The following CFAP299 variants were observed in gnomAD, a reference collection of about 807,000 sequenced individuals.
The protein encoded by CFAP299 is cilia and flagella associated protein 299, also known as cilia- and flagella-associated protein 299.
A neutral mutation model predicts 27.0 loss-of-function variants in CFAP299; 21 were observed. The observed-to-expected ratio is 0.78, with a 90% CI of 0.55 to 1.12. CFAP299 has a LOEUF of 1.12. Ranked by LOEUF, CFAP299 falls within the 50% of genes most tolerant of loss-of-function variation. The pLI is 0.00. For synonymous variants in CFAP299, 104 were observed against 98.1 expected, an observed-to-expected ratio of 1.06 and a Z score of -0.36; for missense variants, 310 against 276.6, an observed-to-expected ratio of 1.12 and a Z score of -0.86.
intron 3 of CFAP299, among the ~76,000 whole-genome samples, chr4:80,623,569 G>A (rs1341427521): frequency 6.6e-6 from 1 of 152,148 alleles, no homozygotes. Flanking sequence ...GTATCTGGCT[G>A]TAGCACAATG....
chr4:80,906,349 C>T (rs984006647), intron 4 of CFAP299, among the ~76,000 whole-genome samples: 3 of 152,216 alleles, frequency 2.0e-5, no homozygotes, highest in Non-Finnish European at 4.4e-5. Flanking sequence ...TGGCTGCTTT[C>T]ATGGGTTAGC....
intron 3 of CFAP299, among the ~76,000 whole-genome samples, chr4:80,590,136 A>G (rs1578641462): frequency 6.6e-6 from 1 of 152,206 alleles, no homozygotes; most frequent in South Asian, 2.1e-4. Context: ...ATATCAACAT[A>G]GGATCATCTC....
At chr4:80,411,387 T>C (rs145107590) in intron 2 of CFAP299, among the ~76,000 whole-genome samples, 253 of 152,226 alleles carry the variant, frequency 1.7e-3, no homozygotes, top group African/African-American at 5.7e-3. Context: ...AAGGTTTGCT[T>C]AGAGTTAACT....
intron 2 of CFAP299, among the ~76,000 whole-genome samples, chr4:80,488,216 C>A (rs193013798): frequency 6.6e-6 from 1 of 152,008 alleles, no homozygotes; most frequent in African/African-American, 2.4e-5. Flanking sequence ...ACACTACAGC[C>A]CCCCACTGCC....
At chr4:80,811,254 C>T (rs1729139568) in intron 3 of CFAP299, among the ~76,000 whole-genome samples, 1 of 152,004 alleles carries the variant, frequency 6.6e-6, no homozygotes, top group African/African-American at 2.4e-5. Context: ...ATATTCATTG[C>T]AAAAATTTAT....
At chr4:80,574,040 T>A (rs1163430070) in intron 2 of CFAP299, among the ~76,000 whole-genome samples, 1 of 152,092 alleles carries the variant, frequency 6.6e-6, no homozygotes, top group Non-Finnish European at 1.5e-5. Flanking sequence ...TCCATAGATT[T>A]CTTTGGGTAA....
chr4:80,566,661 G>A (rs1016016851), intron 2 of CFAP299, among the ~76,000 whole-genome samples: 5 of 152,066 alleles, frequency 3.3e-5, no homozygotes, highest in Non-Finnish European at 5.9e-5. Flanking sequence ...GGACCTGGAG[G>A]CAGGTGTACC....
intron 3 of CFAP299, among the ~76,000 whole-genome samples, chr4:80,795,148 A>G (rs922850324): frequency 3.9e-5 from 6 of 152,212 alleles, no homozygotes; most frequent in African/African-American, 1.4e-4. Flanking sequence ...GTGAGCACTC[A>G]CATGGGATAC....
chr4:80,362,187 C>T (rs1337686220), intron 1 of CFAP299, among the ~76,000 whole-genome samples: 1 of 150,564 alleles, frequency 6.6e-6, no homozygotes, highest in African/African-American at 2.4e-5. Context: ...TTTATTGGTA[C>T]CAACATTATA....
intron 2 of CFAP299, among the ~76,000 whole-genome samples, chr4:80,579,247 A>G (rs1466016937): frequency 6.6e-6 from 1 of 152,198 alleles, no homozygotes; most frequent in Admixed American, 6.6e-5. Flanking sequence ...TTCTAGCTAC[A>G]AGAAAAAAAG....
intron 2 of CFAP299, among the ~76,000 whole-genome samples, chr4:80,413,077 C>T (rs1307927829): frequency 6.6e-6 from 1 of 152,180 alleles, no homozygotes; most frequent in East Asian, 1.9e-4. Context: ...TTGTTCTCAA[C>T]TTGTGTGAGA....
chr4:80,465,529 C>T (rs1230965730), intron 2 of CFAP299, among the ~76,000 whole-genome samples: 1 of 152,114 alleles, frequency 6.6e-6, no homozygotes, highest in Non-Finnish European at 1.5e-5. Flanking sequence ...GGTGAGGGAC[C>T]CATGCATGTG....
At chr4:80,675,776 C>A (rs1284194721) in intron 3 of CFAP299, among the ~76,000 whole-genome samples, 1 of 152,210 alleles carries the variant, frequency 6.6e-6, no homozygotes, top group African/African-American at 2.4e-5. Flanking sequence ...CAGGCTGCTG[C>A]CTTGCAGGTC....
chr4:80,674,622 A>C (rs1221703305), intron 3 of CFAP299, among the ~76,000 whole-genome samples: 1 of 152,166 alleles, frequency 6.6e-6, no homozygotes, highest in East Asian at 1.9e-4. Flanking sequence ...AGTGTTTTCC[A>C]AATTGGTTCC....
At chr4:80,482,645 T>G (rs1730624021) in intron 2 of CFAP299, among the ~76,000 whole-genome samples, 2 of 152,154 alleles carry the variant, frequency 1.3e-5, no homozygotes, top group African/African-American at 2.4e-5. Flanking sequence ...TTGGAGGACT[T>G]ACTATACTAA....
intron 3 of CFAP299, among the ~76,000 whole-genome samples, chr4:80,630,048 C>T (rs1423172443): frequency 1.3e-5 from 2 of 151,836 alleles, no homozygotes; most frequent in Non-Finnish European, 2.9e-5. Context: ...GTGAACTGAT[C>T]ATAGGACTGA....
At chr4:80,669,944 T>TA (rs562084377) in intron 3 of CFAP299, among the ~76,000 whole-genome samples, 3,328 of 148,370 alleles carry the variant, frequency 0.022, 138 homozygotes, top group African/African-American at 0.075. Flanking sequence ...TTTGTTGTTA[T>TA]AAAAAAAAAA....
intron 4 of CFAP299, chr4:80,870,415 G>A: frequency 9.3e-7 from 1 of 1,070,272 alleles, no homozygotes; most frequent in Non-Finnish European, 1.1e-6. Flanking sequence ...TTAACCTCAT[G>A]AGGCTTTTGC....
chr4:80,392,371 A>G (rs1186210645), intron 2 of CFAP299, among the ~76,000 whole-genome samples: 1 of 152,132 alleles, frequency 6.6e-6, no homozygotes, highest in Non-Finnish European at 1.5e-5. Context: ...CAGGGACAGA[A>G]TAGTATAGTT....
Sources: gnomAD v4.1 joint callset for allele counts (sites outside exome capture counted in the v4.1 genomes callset) on GRCh38, gnomAD v4.1.1 for gene constraint, MANE v1.5 for transcripts, NCBI Gene and HGNC (gene_info 2026-07-23, HGNC 2026-07-21) for gene names.